WDR64: variants seen among roughly 807,000 people sequenced by gnomAD.
WDR64 encodes the protein WD repeat domain 64, also known as WD repeat-containing protein 64.
In WDR64, 112 loss-of-function variants were observed where a neutral mutation model predicts 139.3. That is an observed-to-expected ratio of 0.80 (90% CI 0.69 to 0.94). The LOEUF (loss-of-function observed/expected upper bound fraction) is 0.94. WDR64 is among the 40% of genes least tolerant of loss of function. The pLI is 0.00. For missense variants in WDR64, 1,206 were observed against 1,293.1 expected (o/e 0.93, Z 1.03); for synonymous variants, 444 against 437.7 (o/e 1.01, Z -0.18).
At chr1:241,744,988 G>A (rs1313654497) in intron 13 of WDR64, among the ~76,000 whole-genome samples, 2 of 152,134 alleles carry the variant, frequency 1.3e-5, no homozygotes, top group East Asian at 1.9e-4. Flanking sequence ...TCTAGCCTTC[G>A]TGAGGGCATG....
intron 8 of WDR64, among the ~76,000 whole-genome samples, chr1:241,695,710 T>G (rs1286915933): frequency 6.6e-6 from 1 of 152,188 alleles, no homozygotes; most frequent in African/African-American, 2.4e-5. Flanking sequence ...ACATACCAAG[T>G]CTGCATTTGG....
At chr1:241,666,716 T>C (rs1416219569) in intron 2 of WDR64, among the ~76,000 whole-genome samples, 1 of 152,220 alleles carries the variant, frequency 6.6e-6, no homozygotes, top group Admixed American at 6.5e-5. Context: ...TTGACATTGA[T>C]TGAGCTCCTA....
intron 12 of WDR64, among the ~76,000 whole-genome samples, chr1:241,743,812 C>T (rs1242674194): frequency 6.6e-6 from 1 of 152,188 alleles, no homozygotes; most frequent in African/African-American, 2.4e-5. Context: ...ATCCTAATTA[C>T]ACAGATGGCC....
intron 22 of WDR64, among the ~76,000 whole-genome samples, chr1:241,780,865 C>T (rs1409479869): frequency 2.0e-5 from 3 of 152,082 alleles, no homozygotes; most frequent in South Asian, 2.1e-4. Flanking sequence ...GGGCCAGGGT[C>T]GGGGTTCTGA....
chr1:241,695,385 A>T (rs1031174987), intron 8 of WDR64, among the ~76,000 whole-genome samples: 1 of 152,190 alleles, frequency 6.6e-6, no homozygotes, highest in Non-Finnish European at 1.5e-5. Context: ...CCATGCTACC[A>T]TATTTATAGC....
At chr1:241,687,103 G>A (rs901669354) in intron 7 of WDR64, among the ~76,000 whole-genome samples, 6 of 152,030 alleles carry the variant, frequency 3.9e-5, no homozygotes, top group East Asian at 3.9e-4. Flanking sequence ...TCAGGAGTTC[G>A]AGACCAGCCT....
intron 9 of WDR64, among the ~76,000 whole-genome samples, chr1:241,716,173 T>C (rs1213086852): frequency 1.3e-5 from 2 of 152,020 alleles, no homozygotes; most frequent in Non-Finnish European, 2.9e-5. Flanking sequence ...ATGTACGGTA[T>C]GTACCCGCTG....
chr1:241,764,194 C>T (rs922075611), intron 15 of WDR64, among the ~76,000 whole-genome samples: 54 of 152,050 alleles, frequency 3.6e-4, no homozygotes, highest in Admixed American at 3.5e-3. Flanking sequence ...GCTTGAGCAT[C>T]CTATAACAAA....
intron 4 of WDR64, chr1:241,676,241 C>T (rs1265994933): frequency 6.6e-6 from 1 of 152,174 alleles, no homozygotes; most frequent in African/African-American, 2.4e-5. Flanking sequence ...CTAACACTTA[C>T]AGCTGTGCGT....
intron 10 of WDR64, among the ~76,000 whole-genome samples, chr1:241,737,837 C>T (rs1442133092): frequency 6.6e-6 from 1 of 152,126 alleles, no homozygotes; most frequent in African/African-American, 2.4e-5. Context: ...TCTCATACTC[C>T]TAGTGTGTCT....
At chr1:241,726,046 T>C (rs571284213) in intron 10 of WDR64, among the ~76,000 whole-genome samples, 9 of 120,490 alleles carry the variant, frequency 7.5e-5, no homozygotes, top group East Asian at 2.4e-4. Context: ...AGAGCTCTCT[T>C]TTTTTTTTTT....
chr1:241,709,485 C>T (rs1299636547), intron 8 of WDR64, among the ~76,000 whole-genome samples: 1 of 152,098 alleles, frequency 6.6e-6, no homozygotes, highest in African/African-American at 2.4e-5. Flanking sequence ...TGCAGGGGCT[C>T]ATACTATGGT....
Position 241,779,014 on chromosome 1 carries a change from T to C in WDR64, c.2537-990T>C, listed in dbSNP as rs999958085. Reference sequence around the variant, plus strand: ...TTTTTAAACCTATATCATTTTTCTTTTTTCTGAACTTCTTTTAACATTTCT... The same window carrying C: ...TTTTTAAACCTATATCATTTTTCTTCTTTCTGAACTTCTTTTAACATTTCT... On this transcript the variant is annotated intron_variant, in intron 21 of 27. Coordinates refer to ENST00000437684, the MANE Select transcript of WDR64 (RefSeq NM_001367482.1). Among the ~76,000 whole-genome samples the C allele has an allele frequency of 6.5e-4, 99 of 152,176 alleles. 1 individual carries two copies. Among genetic ancestry groups the C allele is most frequent in the Non-Finnish European group, 1.3e-4 (9 of 68,022 alleles).
chr1:241,658,071 G>T (rs1573982321), intron 1 of WDR64, among the ~76,000 whole-genome samples: 1 of 152,138 alleles, frequency 6.6e-6, no homozygotes, highest in Non-Finnish European at 1.5e-5. Flanking sequence ...CTCCCTGAGG[G>T]CAGGGATCTT....
At chr1:241,748,100 C>A (rs1669832131) in intron 13 of WDR64, among the ~76,000 whole-genome samples, 1 of 152,192 alleles carries the variant, frequency 6.6e-6, no homozygotes, top group Non-Finnish European at 1.5e-5. Context: ...GAAAGTCCCA[C>A]CAGCATCCGT....
chr1:241,793,078 A>G (rs1558527516), intron 25 of WDR64, among the ~76,000 whole-genome samples: 1 of 152,250 alleles, frequency 6.6e-6, no homozygotes, highest in Non-Finnish European at 1.5e-5. Context: ...ACGCTCATCT[A>G]CAGGAATGAT....
chr1:241,715,506 G>T (rs1001730674), intron 9 of WDR64, among the ~76,000 whole-genome samples: 2 of 152,178 alleles, frequency 1.3e-5, no homozygotes, highest in African/African-American at 4.8e-5. Context: ...AGATAAAGCA[G>T]CAAACATGTT....
At chr1:241,766,379 G>T in intron 16 of WDR64, 28 bp downstream of exon 16, 1 of 1,607,680 alleles carries the variant, frequency 6.2e-7, no homozygotes. Flanking sequence ...CTTAAACAAT[G>T]TAAAAGCTTT....
At chr1:241,715,967 T>C (rs2148184923) in intron 9 of WDR64, among the ~76,000 whole-genome samples, 1 of 152,244 alleles carries the variant, frequency 6.6e-6, no homozygotes, top group Non-Finnish European at 1.5e-5. Flanking sequence ...GTTTTCTAGC[T>C]CTCTCACCAA....
Sources: allele counts gnomAD v4.1 joint callset (sites outside exome capture counted in the v4.1 genomes callset), GRCh38; gene constraint gnomAD v4.1.1; transcripts MANE v1.5; gene names NCBI Gene and HGNC (gene_info 2026-07-23, HGNC 2026-07-21).